Variants in LIX1L observed in about 807,000 individuals in gnomAD.
The protein encoded by LIX1L is LIX1-like protein.
A neutral mutation model predicts 34.0 loss-of-function variants in LIX1L; 20 were observed. The ratio of observed to expected loss-of-function variants is 0.59; its 90% CI spans 0.41 to 0.85. LIX1L has a LOEUF of 0.85. LIX1L is among the 40% of genes least tolerant of loss of function. The pLI is 0.00. For synonymous variants in LIX1L, 170 were observed against 187.4 expected, an observed-to-expected ratio of 0.91 and a Z score of 0.76; for missense variants, 397 against 447.0, an observed-to-expected ratio of 0.89 and a Z score of 1.01.
intron 5 of LIX1L, 43 bp downstream of exon 5, chr1:145,936,865 G>T: frequency 7.7e-7 from 1 of 1,298,266 alleles, no homozygotes; most frequent in Non-Finnish European, 1.1e-6. Flanking sequence ...TCCACTGACA[G>T]ATTGTGCTCC....
intron 1 of LIX1L, among the ~76,000 whole-genome samples, chr1:145,952,671 G>C (rs976470448): frequency 6.6e-6 from 1 of 151,798 alleles, no homozygotes; most frequent in African/African-American, 2.4e-5. Flanking sequence ...GAGTGCAGTA[G>C]CATGATCTTG....
chr1:145,937,470 T>C, intron 4 of LIX1L, 134 bp downstream of exon 4: 1 of 616,680 alleles, frequency 1.6e-6, no homozygotes, highest in South Asian at 2.1e-5. Context: ...GGAAGGTATT[T>C]ATTTTTGAAA....
At chr1:145,937,374 G>C (rs587766565) in intron 4 of LIX1L, 1 of 346,260 alleles carries the variant, frequency 2.9e-6, no homozygotes, top group Non-Finnish European at 5.3e-6. Context: ...GCTTTGCCAT[G>C]TCTCAAACTC....
intron 1 of LIX1L, among the ~76,000 whole-genome samples, chr1:145,954,261 A>T (rs1649395582): frequency 6.6e-6 from 1 of 152,076 alleles, no homozygotes; most frequent in Non-Finnish European, 1.5e-5. Flanking sequence ...AGTAATACTG[A>T]TTTTGGACTT....
chr1:145,957,767 G>C lies in LIX1L; in HGVS notation c.161C>G (p.Pro54Arg). The C allele has an allele frequency of 7.4e-7, 1 of 1,351,508 alleles. No homozygotes were observed. 83.7% of individuals were successfully genotyped at this position (1,351,508 alleles called of 1,614,324 possible). The change falls in exon 1 of 6, where the codon CCG becomes CGG. Residue 54 changes from proline (P) to arginine (R), a missense_variant. Pro to Arg is a moderately radical substitution (Grantham distance 103). Coordinates refer to ENST00000604000, the MANE Select transcript of LIX1L (RefSeq NM_153713.3). ...PAPPPPAPPP[P>R]PLLLSGAPGL... ...TGGGGCCCCAGACAGGAGCAGCGGC[G>C]GCGGGGGCGGTGCGGGAGGCGGCGG...
chr1:145,945,440 G>A (rs983449906), intron 2 of LIX1L, among the ~76,000 whole-genome samples: 6 of 151,980 alleles, frequency 3.9e-5, no homozygotes. Context: ...ACAATGTAAT[G>A]AGGTGGGAAG....
chr1:145,947,404 A>G (rs1649150738), intron 2 of LIX1L: 4 of 565,254 alleles, frequency 7.1e-6, no homozygotes. Context: ...TAACTGCTCA[A>G]ATTCAAAATG....
chr1:145,937,166 A>AC (rs1648684877), intron 4 of LIX1L, among the ~76,000 whole-genome samples, 181 bp from the exon 5 acceptor site: 153 of 145,844 alleles, frequency 1.0e-3, no homozygotes, highest in African/African-American at 4.0e-3. Flanking sequence ...TTATTTATTT[A>AC]TTTATTTACT....
chr1:145,940,327 CT>C (rs1237806161), intron 3 of LIX1L, among the ~76,000 whole-genome samples: 4 of 148,894 alleles, frequency 2.7e-5, no homozygotes, highest in East Asian at 3.9e-4. Context: ...TCCACAGTTT[CT>C]TTTTTTTTCC....
Position 145,935,808 on chromosome 1 carries a change from G to T in LIX1L, c.*502C>A. On this transcript the variant is annotated 3_prime_UTR_variant, in exon 6 of 6. Coordinates refer to ENST00000604000, the MANE Select transcript of LIX1L (RefSeq NM_153713.3). ...CCTCAAAACAAAGTGGCAATTTGGA[G>T]GCAGAGAAGGAATAAGGTAGTGGTG... 1 of 158,922 alleles carries T rather than the reference G, an allele frequency of 6.3e-6. No homozygotes were observed. The highest frequency in any genetic ancestry group is 1.4e-5 in the Non-Finnish European group (1 of 71,408). 9.8% of individuals were successfully genotyped at this position (158,922 alleles called of 1,614,324 possible). A position where few individuals can be genotyped will look rare whatever the true frequency, so the allele number is the denominator to read the frequency against.
chr1:145,946,087 G>A (rs1444990793), intron 2 of LIX1L, among the ~76,000 whole-genome samples: 1 of 150,956 alleles, frequency 6.6e-6, no homozygotes, highest in Non-Finnish European at 1.5e-5. Context: ...CTGGGTGACA[G>A]AGCAAGACTC....
At chr1:145,956,151 C>A (rs1649465889) in intron 1 of LIX1L, among the ~76,000 whole-genome samples, 1 of 152,146 alleles carries the variant, frequency 6.6e-6, no homozygotes. Context: ...ATAGTATTTC[C>A]TCATGAGTTT....
intron 3 of LIX1L, among the ~76,000 whole-genome samples, chr1:145,940,548 T>TTC (rs1648870293): frequency 6.9e-6 from 1 of 144,808 alleles, no homozygotes; most frequent in African/African-American, 2.7e-5. Flanking sequence ...TTCCTTTTCT[T>TTC]TCTTTTTTTT....
rs782493798 is a variant in LIX1L, at chr1:145,936,519, C to G, written c.805G>C (p.Asp269His). 1.9e-6 allele frequency: 3 copies of G among 1,614,144 alleles called. No homozygotes were observed. The highest frequency in any genetic ancestry group is 3.3e-5 in the Admixed American group (2 of 60,010). Residue 269 changes from aspartate (D) to histidine (H), a missense_variant, in exon 6 of 6, where the codon GAT becomes CAT. Asp to His is a moderately conservative substitution (Grantham distance 81). Coordinates refer to ENST00000604000, the MANE Select transcript of LIX1L (RefSeq NM_153713.3). ...VLAHYSHRALDDDIRHQMALD... is the reference protein window; with the variant it reads ...VLAHYSHRALHDDIRHQMALD... ...GCCATTTGGTGGCGAATATCATCAT[C>G]CAGGGCCCGGTGCGAATAATGAGCC...
intron 1 of LIX1L, among the ~76,000 whole-genome samples, chr1:145,947,985 C>T (rs587728757): frequency 2.6e-5 from 4 of 152,254 alleles, no homozygotes; most frequent in African/African-American, 9.6e-5. Context: ...GTAGGCCTGC[C>T]CTCCTCCACC....
chr1:145,937,047 A>T, intron 4 of LIX1L, 62 bp from the exon 5 acceptor site: 2 of 1,152,760 alleles, frequency 1.7e-6, no homozygotes, highest in Admixed American at 3.4e-5. Flanking sequence ...TTGCATCAGA[A>T]TTACATGGGA....
rs1031619142 is a variant in LIX1L, at chr1:145,933,951, G to A, written c.*2359C>T. The A allele has an allele frequency of 1.3e-5, 2 of 152,122 alleles. No individual in the cohort carries two copies. Among genetic ancestry groups the A allele is most frequent in the African/African-American group, 2.4e-5 (1 of 41,396 alleles). The allele number at this position is 152,122 out of a possible 1,614,324, so 9.4% of individuals were successfully genotyped here. A position where few individuals can be genotyped will look rare whatever the true frequency, so the allele number is the denominator to read the frequency against. On this transcript the variant is annotated 3_prime_UTR_variant, in exon 6 of 6. Coordinates refer to ENST00000604000, the MANE Select transcript of LIX1L (RefSeq NM_153713.3). ...CATCTTGCCCCTATCAAATCCAAAA[G>A]AGCCAATTATAGCCTGTTTCATAAT...
rs587774429 is a variant in LIX1L, at chr1:145,957,530, G to A, written c.292+106C>T. The A allele has an allele frequency of 2.3e-6, 3 of 1,321,748 alleles. No individual in the cohort carries two copies. The East Asian group carries it at 9.3e-5, about 41-fold the overall frequency. 81.9% of individuals were successfully genotyped at this position (1,321,748 alleles called of 1,614,324 possible). On this transcript the variant is annotated intron_variant, in intron 1 of 5. Transcript: ENST00000604000. ...AGCCCAGAAGGAAACTCCCCAAAAG[G>A]AAATGCATGTGAGGGCTCCACGCCA...
Position 145,936,165 on chromosome 1 carries a change from T to C in LIX1L, c.*145A>G. 3 of 931,240 alleles carry C rather than the reference T, an allele frequency of 3.2e-6. No homozygotes were observed. Among genetic ancestry groups the C allele is most frequent in the Middle Eastern group, 3.4e-4 (1 of 2,910 alleles). The allele number at this position is 931,240 out of a possible 1,614,324, so 57.7% of individuals were successfully genotyped here. A position where few individuals can be genotyped will look rare whatever the true frequency, so the allele number is the denominator to read the frequency against. ...GTAAGAAAAGGGATCTCTTAGCAAA[T>C]AGGAATCTAGGTGTAGAATTTATAC... On this transcript the variant is annotated 3_prime_UTR_variant, in exon 6 of 6. Transcript: ENST00000604000.
Sources: gnomAD v4.1 joint callset for allele counts (sites outside exome capture counted in the v4.1 genomes callset) on GRCh38, gnomAD v4.1.1 for gene constraint, MANE v1.5 for transcripts, NCBI Gene and HGNC (gene_info 2026-07-23, HGNC 2026-07-21) for gene names.